CSMD1: variants seen among roughly 807,000 people sequenced by gnomAD.
CSMD1 encodes CUB and sushi domain-containing protein 1.
Under a neutral mutation model 417.5 loss-of-function variants are expected in CSMD1, and 213 were observed. The observed-to-expected ratio is 0.51, with a 90% confidence interval of 0.46 to 0.57. The LOEUF is 0.57. CSMD1 is among the 20% of genes least tolerant of loss of function. The pLI, the probability that CSMD1 is intolerant of heterozygous loss-of-function variation, is 0.00. For synonymous variants in CSMD1, 2,862 were observed against 1,736.8 expected (o/e 1.65, Z -16.11); for missense variants, 6,923 against 4,529.7 (o/e 1.53, Z -15.17).
chr8:4,457,094 A>G (rs918963064), intron 2 of CSMD1, among the ~76,000 whole-genome samples: 1 of 152,108 alleles, frequency 6.6e-6, no homozygotes, highest in Non-Finnish European at 1.5e-5. Context: ...GAGAAAAATA[A>G]TATGACTATC....
intron 5 of CSMD1, among the ~76,000 whole-genome samples, chr8:3,844,485 C>A (rs79073374): frequency 6.6e-6 from 1 of 152,104 alleles, no homozygotes; most frequent in Non-Finnish European, 1.5e-5. Flanking sequence ...AGAGAGCAAT[C>A]TCTTTGGTAA....
At chr8:4,313,622 G>C (rs887427243) in intron 3 of CSMD1, among the ~76,000 whole-genome samples, 1 of 151,938 alleles carries the variant, frequency 6.6e-6, no homozygotes, top group African/African-American at 2.4e-5. Flanking sequence ...TAAACATGCA[G>C]ATGCCATTTA....
chr8:4,083,617 C>A (rs1253958102), intron 3 of CSMD1, among the ~76,000 whole-genome samples: 4 of 152,044 alleles, frequency 2.6e-5, no homozygotes, highest in Non-Finnish European at 5.9e-5. Flanking sequence ...ATTAATGGTG[C>A]TGGGAAAACT....
intron 3 of CSMD1, among the ~76,000 whole-genome samples, chr8:4,138,282 C>T (rs201883409): frequency 1.2e-5 from 1 of 86,418 alleles, no homozygotes; most frequent in East Asian, 2.6e-4. Flanking sequence ...AACTAAATGG[C>T]AAGATGCAGG....
At chr8:3,936,396 T>C (rs1829858) in intron 5 of CSMD1, among the ~76,000 whole-genome samples, 22,038 of 152,094 alleles carry the variant, frequency 0.14, 2,041 homozygotes, top group South Asian at 0.19. Flanking sequence ...AAGAAGTCAA[T>C]GACTAGCTTT....
At chr8:3,490,029 T>A (rs1045929519) in intron 11 of CSMD1, among the ~76,000 whole-genome samples, 1 of 152,224 alleles carries the variant, frequency 6.6e-6, no homozygotes, top group Non-Finnish European at 1.5e-5. Flanking sequence ...CTGGGAAGAA[T>A]GTTTGCATAT....
chr8:3,033,993 A>G (rs1410560759), intron 50 of CSMD1, among the ~76,000 whole-genome samples: 1 of 152,148 alleles, frequency 6.6e-6, no homozygotes, highest in African/African-American at 2.4e-5. Context: ...ACCACCCCCT[A>G]GTCGGGCAGG....
intron 1 of CSMD1, among the ~76,000 whole-genome samples, chr8:4,991,186 G>A (rs1195401501): frequency 1.3e-5 from 2 of 152,178 alleles, no homozygotes; most frequent in Non-Finnish European, 2.9e-5. Context: ...ATACGAGCCA[G>A]CATACACAGA....
intron 1 of CSMD1, among the ~76,000 whole-genome samples, chr8:4,907,865 C>T (rs1226861835): frequency 6.6e-6 from 1 of 151,914 alleles, no homozygotes; most frequent in African/African-American, 2.4e-5. Context: ...CTCACTTTGG[C>T]CATTGTTTAT....
chr8:4,057,121 A>G (rs1798736990), intron 3 of CSMD1, among the ~76,000 whole-genome samples: 1 of 152,200 alleles, frequency 6.6e-6, no homozygotes, highest in South Asian at 2.1e-4. Flanking sequence ...ACTGACTTCC[A>G]CAAGGGTTGA....
chr8:3,275,724 C>T (rs1229686188), intron 26 of CSMD1, among the ~76,000 whole-genome samples: 1 of 152,206 alleles, frequency 6.6e-6, no homozygotes, highest in Non-Finnish European at 1.5e-5. Context: ...ATCGCATCGG[C>T]TCCTGAGGCT....
At chr8:4,784,936 A>C (rs1176804817) in intron 1 of CSMD1, among the ~76,000 whole-genome samples, 1 of 151,768 alleles carries the variant, frequency 6.6e-6, no homozygotes, top group Non-Finnish European at 1.5e-5. Flanking sequence ...TGTAAAGATG[A>C]CTAAATTAGG....
At chr8:4,703,655 A>C (rs527593924) in intron 1 of CSMD1, among the ~76,000 whole-genome samples, 28 of 152,224 alleles carry the variant, frequency 1.8e-4, no homozygotes, top group Non-Finnish European at 2.2e-4. Flanking sequence ...AAGAAAAGTA[A>C]TCTAGAAGAC....
intron 23 of CSMD1, among the ~76,000 whole-genome samples, chr8:3,320,228 G>C (rs1219609068): frequency 2.6e-5 from 4 of 152,194 alleles, no homozygotes; most frequent in African/African-American, 9.6e-5. Flanking sequence ...CCTGGCACTA[G>C]TTTGGAGAGG....
intron 49 of CSMD1, among the ~76,000 whole-genome samples, chr8:3,068,858 G>A (rs772217501): frequency 6.6e-6 from 1 of 152,042 alleles, no homozygotes; most frequent in Non-Finnish European, 1.5e-5. Flanking sequence ...TTCAACACGA[G>A]ATTTGGGCAG....
At chr8:3,804,975 T>C (rs1800647094) in intron 5 of CSMD1, among the ~76,000 whole-genome samples, 1 of 152,170 alleles carries the variant, frequency 6.6e-6, no homozygotes, top group Non-Finnish European at 1.5e-5. Flanking sequence ...GAAGCAATTG[T>C]TCGTTCCACT....
At chr8:4,217,502 G>C (rs567775823) in intron 3 of CSMD1, among the ~76,000 whole-genome samples, 36 of 152,256 alleles carry the variant, frequency 2.4e-4, no homozygotes, top group African/African-American at 8.7e-4. Flanking sequence ...CTCGTCCCTG[G>C]CATCAAGGGG....
At chr8:4,087,206 C>A (rs1800466295) in intron 3 of CSMD1, among the ~76,000 whole-genome samples, 1 of 152,090 alleles carries the variant, frequency 6.6e-6, no homozygotes, top group African/African-American at 2.4e-5. Flanking sequence ...TAGCAGCCAC[C>A]CTAGCTCTGA....
intron 10 of CSMD1, among the ~76,000 whole-genome samples, chr8:3,552,620 G>A (rs1798966678): frequency 6.6e-6 from 1 of 152,186 alleles, no homozygotes; most frequent in South Asian, 2.1e-4. Context: ...GGACTCAAGT[G>A]TAACGCGTAT....
Sources: allele counts gnomAD v4.1 joint callset (sites outside exome capture counted in the v4.1 genomes callset), GRCh38; gene constraint gnomAD v4.1.1; transcripts MANE v1.5; gene names NCBI Gene and HGNC (gene_info 2026-07-23, HGNC 2026-07-21).